Variants in VWC2 observed in about 807,000 individuals in gnomAD.
The protein encoded by VWC2 is von Willebrand factor C domain containing 2, also known as brorin.
Under a neutral mutation model 29.8 loss-of-function variants are expected in VWC2, and 14 were observed. The ratio of observed to expected loss-of-function variants is 0.47; its 90% CI spans 0.31 to 0.74. The LOEUF (loss-of-function observed/expected upper bound fraction) is 0.74. Among genes scored for constraint, VWC2 ranks in the 30% least tolerant of loss-of-function variants. VWC2 has a pLI of 0.05. For synonymous variants in VWC2, 213 were observed against 199.0 expected, an observed-to-expected ratio of 1.07 and a Z score of -0.59; for missense variants, 457 against 459.8, an observed-to-expected ratio of 0.99 and a Z score of 0.05.
intron 3 of VWC2, among the ~76,000 whole-genome samples, chr7:49,839,957 A>G (rs1789756039): frequency 6.6e-6 from 1 of 152,212 alleles, no homozygotes; most frequent in South Asian, 2.1e-4. Flanking sequence ...ATGTTTTCCT[A>G]AAGTCAAAGC....
chr7:49,903,954 T>C (rs1312913122), intron 3 of VWC2, among the ~76,000 whole-genome samples: 1 of 152,110 alleles, frequency 6.6e-6, no homozygotes, highest in Non-Finnish European at 1.5e-5. Context: ...GGCTCACAGA[T>C]TGGTTGGATC....
At chr7:49,833,136 A>G (rs1562722834) in intron 3 of VWC2, among the ~76,000 whole-genome samples, 2 of 152,224 alleles carry the variant, frequency 1.3e-5, no homozygotes, top group African/African-American at 2.4e-5. Flanking sequence ...TTTCCAGGTT[A>G]ACTGCAGGGC....
intron 3 of VWC2, among the ~76,000 whole-genome samples, chr7:49,805,862 G>A (rs1788864746): frequency 6.6e-6 from 1 of 152,164 alleles, no homozygotes; most frequent in African/African-American, 2.4e-5. Flanking sequence ...TTGACCTGTA[G>A]CATTAAATAG....
rs1258112564 is a variant in VWC2 at position 49,804,162 on chromosome 7, G to T, written c.826+1322G>T. Among the ~76,000 whole-genome samples, 3 of 146,488 alleles carry T rather than the reference G, an allele frequency of 2.0e-5. No individual in the cohort carries two copies. The South Asian group carries it at 6.5e-4, about 32-fold the overall frequency. On this transcript the variant is annotated intron_variant, in intron 3 of 3. Coordinates refer to ENST00000340652, the MANE Select transcript of VWC2 (RefSeq NM_198570.5). ...GAGGGGGACTTTGAGCATGGAGTGT[G>T]TTTTTTTTTTAAAAAAAAAAATGAT...
intron 3 of VWC2, among the ~76,000 whole-genome samples, chr7:49,874,931 ACC>A (rs902137737): frequency 6.6e-6 from 1 of 152,158 alleles, no homozygotes; most frequent in South Asian, 2.1e-4. Flanking sequence ...AATTGTAATT[ACC>A]CACATAAGTC....
intron 3 of VWC2, among the ~76,000 whole-genome samples, chr7:49,898,213 A>G (rs1792494889): frequency 6.6e-6 from 1 of 152,044 alleles, no homozygotes; most frequent in Non-Finnish European, 1.5e-5. Flanking sequence ...TGCTTTATAT[A>G]TGTATATACA....
chr7:49,901,652 C>A (rs1299186853), intron 3 of VWC2, among the ~76,000 whole-genome samples: 1 of 151,846 alleles, frequency 6.6e-6, no homozygotes, highest in Non-Finnish European at 1.5e-5. Flanking sequence ...CAATCCCAAA[C>A]AAAATCCCAG....
rs534674016 is a variant in VWC2, at chr7:49,916,600, T to C, written c.*4415T>C. 1.5e-4 allele frequency: 23 copies of C among 152,364 alleles called. No homozygotes were observed. The highest frequency in any genetic ancestry group is 3.4e-3 in the Middle Eastern group (1 of 294). The allele number at this position is 152,364 out of a possible 1,614,324, so 9.4% of individuals were successfully genotyped here. On this transcript the variant is annotated 3_prime_UTR_variant, in exon 4 of 4. Coordinates refer to ENST00000340652, the MANE Select transcript of VWC2 (RefSeq NM_198570.5). ...TTCTTCTATTATTTACAAATCCCTT[T>C]AGTTTGGGCTGTGAAATATTCAATT...
At chr7:49,865,323 A>G (rs780591812) in intron 3 of VWC2, among the ~76,000 whole-genome samples, 5 of 152,314 alleles carry the variant, frequency 3.3e-5, no homozygotes, top group Non-Finnish European at 5.9e-5. Context: ...ATCCATTTTG[A>G]TATCTTTGAT....
At chr7:49,790,955 G>A (rs890450145) in intron 2 of VWC2, among the ~76,000 whole-genome samples, 16 of 152,102 alleles carry the variant, frequency 1.1e-4, no homozygotes, top group Admixed American at 5.9e-4. Context: ...GCTCCAGGAT[G>A]CCTGTGGATT....
chr7:49,844,095 G>A (rs181909065), intron 3 of VWC2, among the ~76,000 whole-genome samples: 340 of 152,320 alleles, frequency 2.2e-3, no homozygotes, highest in Middle Eastern at 6.8e-3. Context: ...TGCAGGAGAG[G>A]ATGGCAACAG....
chr7:49,869,813 T>C (rs1791062117), intron 3 of VWC2, among the ~76,000 whole-genome samples: 1 of 151,862 alleles, frequency 6.6e-6, no homozygotes, highest in Non-Finnish European at 1.5e-5. Context: ...AAAATGTACA[T>C]ATATGTTTTT....
At chr7:49,870,130 G>T (rs142786796) in intron 3 of VWC2, among the ~76,000 whole-genome samples, 4 of 152,340 alleles carry the variant, frequency 2.6e-5, no homozygotes, top group African/African-American at 9.6e-5. Flanking sequence ...GCTGGGTGCG[G>T]TGGCTCATAC....
At chr7:49,800,959 C>T (rs1177024033) in intron 2 of VWC2, among the ~76,000 whole-genome samples, 4 of 151,384 alleles carry the variant, frequency 2.6e-5, no homozygotes, top group Non-Finnish European at 5.9e-5. Context: ...TCTAAGGCTA[C>T]ATTGCCAACC....
At chr7:49,886,174 AC>A (rs1455804733) in intron 3 of VWC2, among the ~76,000 whole-genome samples, 6 of 152,162 alleles carry the variant, frequency 3.9e-5, no homozygotes, top group African/African-American at 7.2e-5. Context: ...AATTTGGGGC[AC>A]CACAGTGTGG....
intron 3 of VWC2, among the ~76,000 whole-genome samples, chr7:49,883,431 C>T (rs1206801629): frequency 6.6e-6 from 1 of 151,964 alleles, no homozygotes; most frequent in Non-Finnish European, 1.5e-5. Context: ...ATTATGTTCT[C>T]AAAATAAACA....
In VWC2 at chr7:49,918,883, A is replaced by G. The variant is rs1359112516; in HGVS notation, c.*6698A>G. The G allele has an allele frequency of 6.6e-6, 1 of 151,994 alleles. No homozygotes were observed. The highest frequency in any genetic ancestry group is 1.9e-4 in the East Asian group (1 of 5,194). 9.4% of individuals were successfully genotyped at this position (151,994 alleles called of 1,614,324 possible). ...GAGGCCAACCTGACCAACATGTGAAACCCCATCTCTACTAAAAATACAAAA... is the reference window on the plus strand; with the variant it reads ...GAGGCCAACCTGACCAACATGTGAAGCCCCATCTCTACTAAAAATACAAAA... On this transcript the variant is annotated 3_prime_UTR_variant, in exon 4 of 4. Coordinates refer to ENST00000340652, the MANE Select transcript of VWC2 (RefSeq NM_198570.5).
chr7:49,821,260 C>T (rs1478178406), intron 3 of VWC2, among the ~76,000 whole-genome samples: 1 of 152,152 alleles, frequency 6.6e-6, no homozygotes, highest in Non-Finnish European at 1.5e-5. Flanking sequence ...AGTAAACTCA[C>T]TGGCCAGATA....
intron 3 of VWC2, among the ~76,000 whole-genome samples, chr7:49,832,826 G>T (rs544332058): frequency 6.6e-6 from 1 of 152,308 alleles, no homozygotes; most frequent in South Asian, 2.1e-4. Flanking sequence ...GCTCTGTCCA[G>T]TTGTCATTTA....
Sources: allele counts gnomAD v4.1 joint callset (sites outside exome capture counted in the v4.1 genomes callset), GRCh38; gene constraint gnomAD v4.1.1; transcripts MANE v1.5; gene names NCBI Gene and HGNC (gene_info 2026-07-23, HGNC 2026-07-21).